Variants in RORA observed in about 807,000 individuals in gnomAD.
RORA encodes the protein RAR related orphan receptor A.
A neutral mutation model predicts 69.5 loss-of-function variants in RORA; 7 were observed. That is an observed-to-expected ratio of 0.10 (90% CI 0.06 to 0.19). RORA has a LOEUF of 0.19. RORA is among the 10% of genes least tolerant of loss of function. The pLI, the probability that RORA is intolerant of heterozygous loss-of-function variation, is 1.00. For synonymous variants in RORA, 261 were observed against 240.8 expected, an observed-to-expected ratio of 1.08 and a Z score of -0.78; for missense variants, 457 against 663.0, an observed-to-expected ratio of 0.69 and a Z score of 3.41.
chr15:60,543,170 CTTTTTTTTTTTTT>C (rs200401959), intron 2 of RORA, among the ~76,000 whole-genome samples: 3,941 of 124,058 alleles, frequency 0.032, 153 homozygotes, highest in African/African-American at 0.042. Flanking sequence ...AAAGTGAAAA[CTTTTTTTTTTTTT>C]TTTTTTTTTT....
intron 1 of RORA, among the ~76,000 whole-genome samples, chr15:61,014,968 C>T (rs1477344302): frequency 3.3e-5 from 5 of 152,126 alleles, no homozygotes; most frequent in Non-Finnish European, 5.9e-5. Context: ...ATTTTTTCTG[C>T]TCCATTTTCT....
chr15:60,621,973 G>A (rs544071127), intron 2 of RORA, among the ~76,000 whole-genome samples: 2 of 152,156 alleles, frequency 1.3e-5, no homozygotes, highest in East Asian at 3.9e-4. Context: ...GCTTGAATCC[G>A]GGAGGCGGAG....
At chr15:60,741,612 C>T (rs543902268) in intron 1 of RORA, among the ~76,000 whole-genome samples, 20 of 152,298 alleles carry the variant, frequency 1.3e-4, no homozygotes, top group African/African-American at 4.6e-4. Flanking sequence ...GAGGTTTACA[C>T]CTGGGCCATT....
At chr15:60,661,078 GTTAT>G (rs1365435220) in intron 2 of RORA, among the ~76,000 whole-genome samples, 1 of 86,328 alleles carries the variant, frequency 1.2e-5, no homozygotes, top group Non-Finnish European at 2.4e-5. Flanking sequence ...AAATAGAGGA[GTTAT>G]TTTTTTTTTT....
intron 1 of RORA, among the ~76,000 whole-genome samples, chr15:61,145,032 C>T (rs919709264): frequency 7.9e-5 from 12 of 152,202 alleles, no homozygotes; most frequent in African/African-American, 1.4e-4. Flanking sequence ...TGATGGTATA[C>T]GCCTCTATCT....
chr15:61,055,997 T>C (rs2078091064), intron 1 of RORA, among the ~76,000 whole-genome samples: 1 of 152,158 alleles, frequency 6.6e-6, no homozygotes, highest in Non-Finnish European at 1.5e-5. Context: ...AACCATGCTG[T>C]TTACAAGCAA....
At chr15:60,997,283 G>A (rs1894582345) in intron 1 of RORA, among the ~76,000 whole-genome samples, 1 of 152,096 alleles carries the variant, frequency 6.6e-6, no homozygotes, top group African/African-American at 2.4e-5. Context: ...AAAGGTATCG[G>A]ATTTATAGGG....
intron 2 of RORA, among the ~76,000 whole-genome samples, chr15:60,631,280 T>C (rs1250910439): frequency 2.0e-5 from 3 of 152,190 alleles, no homozygotes; most frequent in South Asian, 2.1e-4. Flanking sequence ...CTGCCTCTGA[T>C]TCCACATTTT....
At chr15:60,807,869 C>G (rs190390765) in intron 1 of RORA, among the ~76,000 whole-genome samples, 1 of 152,242 alleles carries the variant, frequency 6.6e-6, no homozygotes, top group African/African-American at 2.4e-5. Flanking sequence ...AATTGGCAAG[C>G]CACATGTAGG....
At position 60,490,706 on chromosome 15, in the gene RORA, T is replaced by C. The variant is rs558676069; in HGVS notation, c.*6749A>G. ...TAAGTCTATGCACAAAAGTCATTTG[T>C]TTTATTGCTTGACATTCAGTTATGG... On this transcript the variant is annotated 3_prime_UTR_variant, in exon 11 of 11. Transcript: ENST00000335670. This position sits in a 1 kb window ranked among gnomAD's most constrained non-coding sequence, Gnocchi z 4.1. 1 of 152,320 alleles carries C rather than the reference T, an allele frequency of 6.6e-6. No homozygotes were observed. The highest frequency in any genetic ancestry group is 1.9e-4 in the East Asian group (1 of 5,190). 9.4% of individuals were successfully genotyped at this position (152,320 alleles called of 1,614,324 possible). A position where few individuals can be genotyped will look rare whatever the true frequency, so the allele number is the denominator to read the frequency against.
chr15:60,710,226 C>T (rs552247195), intron 1 of RORA, among the ~76,000 whole-genome samples: 2 of 152,232 alleles, frequency 1.3e-5, no homozygotes, highest in South Asian at 2.1e-4. Flanking sequence ...CAGTGGCTCA[C>T]GCTTGTAATT....
intron 1 of RORA, among the ~76,000 whole-genome samples, chr15:60,943,832 C>T (rs918654160): frequency 7.1e-6 from 1 of 140,072 alleles, no homozygotes. Flanking sequence ...AGGAGAATTG[C>T]TTGAACCTGG....
intron 1 of RORA, among the ~76,000 whole-genome samples, chr15:61,008,829 A>T (rs139214636): frequency 2.6e-5 from 4 of 152,292 alleles, no homozygotes; most frequent in Admixed American, 2.0e-4. Flanking sequence ...ATGTTGATGT[A>T]GAAAAATTGC....
chr15:60,532,770 C>T (rs1401813649), intron 2 of RORA, among the ~76,000 whole-genome samples: 2 of 152,126 alleles, frequency 1.3e-5, no homozygotes, highest in Non-Finnish European at 1.5e-5. Flanking sequence ...GCTGTATAGA[C>T]AGGATGGGAA....
intron 2 of RORA, among the ~76,000 whole-genome samples, chr15:60,590,170 C>CCTCTCT (rs1426237027): frequency 0.016 from 1,611 of 101,556 alleles, 11 homozygotes; most frequent in Middle Eastern, 0.032. Context: ...TCTCCCTCTT[C>CCTCTCT]CTCTATCTCT....
intron 1 of RORA, among the ~76,000 whole-genome samples, chr15:60,833,447 C>T (rs1432868706): frequency 6.6e-6 from 1 of 152,000 alleles, no homozygotes; most frequent in East Asian, 1.9e-4. Flanking sequence ...AACTCCTGAC[C>T]CCAAGTGATC....
rs33962963 is a variant in RORA at position 60,703,126 on chromosome 15, A to AACACACAC, written c.167-24448_167-24441dup. Among the ~76,000 whole-genome samples, 995 of 145,570 alleles carry AACACACAC rather than the reference A, an allele frequency of 6.8e-3. 7 individuals carry two copies. The highest frequency in any genetic ancestry group is 0.015 in the African/African-American group (596 of 39,502). On this transcript the variant is annotated intron_variant, in intron 1 of 10. Coordinates refer to ENST00000335670, the MANE Select transcript of RORA (RefSeq NM_134261.3). ...GAGCAAGGAGACGATGCTTCAGATT[A>AACACACAC]ACACACACACACACACACACACACA...
chr15:60,567,394 C>T (rs955102949), intron 2 of RORA, among the ~76,000 whole-genome samples: 9 of 149,472 alleles, frequency 6.0e-5, no homozygotes, highest in Middle Eastern at 3.5e-3. Context: ...CTTTTATTAT[C>T]ATTATTATTA....
At chr15:61,189,799 G>A (rs1285376792) in intron 1 of RORA, among the ~76,000 whole-genome samples, 1 of 132,318 alleles carries the variant, frequency 7.6e-6, no homozygotes, top group African/African-American at 2.7e-5. Flanking sequence ...GGAGCTTGCA[G>A]TGAGCCGAGA....
Sources: gnomAD v4.1 joint callset for allele counts (sites outside exome capture counted in the v4.1 genomes callset) on GRCh38, gnomAD v4.1.1 for gene constraint, Gnocchi (gnomAD v3.1) non-coding constraint, MANE v1.5 for transcripts, NCBI Gene and HGNC (gene_info 2026-07-23, HGNC 2026-07-21) for gene names.